The following USH2A variants were observed in gnomAD, a reference collection of about 807,000 sequenced individuals.
USH2A encodes the protein usherin.
A neutral mutation model predicts 538.9 loss-of-function variants in USH2A; 443 were observed. The observed-to-expected ratio is 0.82, with a 90% CI of 0.76 to 0.89. USH2A has a LOEUF of 0.89. Among genes scored for constraint, USH2A ranks in the 40% least tolerant of loss-of-function variants. USH2A has a pLI of 0.00. For synonymous variants in USH2A, 2,413 were observed against 2,273.5 expected, an observed-to-expected ratio of 1.06 and a Z score of -1.75; for missense variants, 6,633 against 6,324.8, an observed-to-expected ratio of 1.05 and a Z score of -1.65.
At chr1:215,667,742 A>G (rs959651665) in intron 64 of USH2A, among the ~76,000 whole-genome samples, 14 of 152,134 alleles carry the variant, frequency 9.2e-5, no homozygotes, top group Non-Finnish European at 2.9e-5. Flanking sequence ...AGGAAAAAAA[A>G]AAGAAGAAAG....
At chr1:216,364,822 T>A in intron 4 of USH2A, 131 bp downstream of exon 4, 1 of 1,202,652 alleles carries the variant, frequency 8.3e-7, no homozygotes, top group East Asian at 2.5e-5. Context: ...TGCCATCCAG[T>A]TGGTGGTAAT....
chr1:216,109,961 C>G (rs1301400797), intron 21 of USH2A, among the ~76,000 whole-genome samples: 1 of 151,980 alleles, frequency 6.6e-6, no homozygotes, highest in African/African-American at 2.4e-5. Flanking sequence ...AATTCTGAAT[C>G]TTTCTTAAAG....
chr1:215,933,848 T>G (rs1666425665), intron 38 of USH2A, among the ~76,000 whole-genome samples: 2 of 151,920 alleles, frequency 1.3e-5, no homozygotes, highest in African/African-American at 4.8e-5. Flanking sequence ...AGCACTCAAT[T>G]GAGAGTCATG....
chr1:215,768,768 G>A (rs138849169), intron 55 of USH2A, among the ~76,000 whole-genome samples: 8 of 152,132 alleles, frequency 5.3e-5, no homozygotes, highest in African/African-American at 1.7e-4. Context: ...TCTCTTTACC[G>A]ACAAAAAGGG....
At chr1:216,107,281 T>C (rs2032756910) in intron 21 of USH2A, among the ~76,000 whole-genome samples, 1 of 151,848 alleles carries the variant, frequency 6.6e-6, no homozygotes, top group Non-Finnish European at 1.5e-5. Flanking sequence ...CTTTGGTTTG[T>C]AAACTTCTGC....
intron 3 of USH2A, among the ~76,000 whole-genome samples, chr1:216,392,251 C>A (rs896756162): frequency 6.6e-6 from 1 of 152,090 alleles, no homozygotes; most frequent in Non-Finnish European, 1.5e-5. Flanking sequence ...GTAATCCCAG[C>A]ACTTTGGGAA....
At chr1:216,396,894 A>G (rs2102754760) in intron 3 of USH2A, among the ~76,000 whole-genome samples, 1 of 152,352 alleles carries the variant, frequency 6.6e-6, no homozygotes, top group African/African-American at 2.4e-5. Flanking sequence ...CGCCAGCTCC[A>G]TCCAATGTTT....
intron 32 of USH2A, among the ~76,000 whole-genome samples, chr1:216,032,204 A>G (rs1291419314): frequency 6.6e-6 from 1 of 151,774 alleles, no homozygotes; most frequent in Non-Finnish European, 1.5e-5. Context: ...TTTTTTTTGC[A>G]TGCAGAGGAT....
At position 216,327,770 on chromosome 1, in the gene USH2A, C is replaced by T. The variant is rs2037765180; in HGVS notation, c.785-116G>A. ...TAAGGTTAAAAAGATATTTATGTCA[C>T]TGCCCTTTGAAACTTTTACAGATCA... On this transcript the variant is annotated intron_variant, in intron 4 of 71. Coordinates refer to ENST00000307340, the MANE Select transcript of USH2A (RefSeq NM_206933.4). The T allele has an allele frequency of 1.1e-5, 14 of 1,278,584 alleles. No individual in the cohort carries two copies. The South Asian group carries it at 1.1e-4, about 10-fold the overall frequency. The allele number at this position is 1,278,584 out of a possible 1,614,324, so 79.2% of individuals were successfully genotyped here.
At chr1:215,815,265 T>G (rs1417871890) in intron 48 of USH2A, among the ~76,000 whole-genome samples, 1 of 152,128 alleles carries the variant, frequency 6.6e-6, no homozygotes, top group African/African-American at 2.4e-5. Flanking sequence ...GGTATGACAT[T>G]TGCATTATAA....
At chr1:216,366,728 G>A (rs1232945480) in intron 3 of USH2A, among the ~76,000 whole-genome samples, 2 of 151,932 alleles carry the variant, frequency 1.3e-5, no homozygotes, top group Non-Finnish European at 2.9e-5. Flanking sequence ...TTTAAACTAT[G>A]TTCTTTCTTA....
At chr1:215,878,619 A>G in intron 42 of USH2A, 145 bp downstream of exon 42, 1 of 776,864 alleles carries the variant, frequency 1.3e-6, no homozygotes. Context: ...GTACAGTATG[A>G]TAGTGTATGA....
chr1:216,197,612 G>A (rs1376255326), intron 18 of USH2A, among the ~76,000 whole-genome samples: 1 of 152,118 alleles, frequency 6.6e-6, no homozygotes. Flanking sequence ...AACAGGTCAA[G>A]TTTAGATCAG....
At chr1:215,678,793 G>C (rs1571952387) in intron 62 of USH2A, among the ~76,000 whole-genome samples, 1 of 152,050 alleles carries the variant, frequency 6.6e-6, no homozygotes, top group Non-Finnish European at 1.5e-5. Context: ...GTTCACTCTT[G>C]AATAAGTATA....
chr1:216,257,795 C>A (rs910961986), intron 11 of USH2A, among the ~76,000 whole-genome samples: 6 of 151,906 alleles, frequency 3.9e-5, no homozygotes, highest in Admixed American at 3.3e-4. Context: ...ACTTCAAGTT[C>A]ACTAATTTTT....
chr1:216,030,228 T>A (rs1669075492), intron 32 of USH2A, among the ~76,000 whole-genome samples: 1 of 139,774 alleles, frequency 7.2e-6, no homozygotes, highest in Admixed American at 7.6e-5. Flanking sequence ...ATATATGATA[T>A]ATAGATATAC....
intron 37 of USH2A, among the ~76,000 whole-genome samples, chr1:215,958,672 GA>G (rs1316919806): frequency 1.3e-5 from 2 of 152,004 alleles, no homozygotes; most frequent in African/African-American, 4.8e-5. Context: ...ACTCCTTCCA[GA>G]TGTTACCACT....
At chr1:215,954,822 CCTGT>C (rs148130298) in intron 37 of USH2A, among the ~76,000 whole-genome samples, 4,873 of 152,188 alleles carry the variant, frequency 0.032, 119 homozygotes, top group South Asian at 0.084. Flanking sequence ...TGAAGTAGCT[CCTGT>C]CTAACTTTCT....
chr1:215,650,692 G>A lies in USH2A; in HGVS notation c.14243C>T (p.Ser4748Phe), dbSNP rs527236126. The A allele has an allele frequency of 5.0e-6, 8 of 1,614,044 alleles. No individual in the cohort carries two copies. The East Asian group carries it at 1.8e-4, about 36-fold the overall frequency. ...ACTGATGTTGACCACTGCTTGGGTA[G>A]AAGAGATCACATGGAACGTGGGGGC... is the stretch of plus-strand genomic sequence containing the variant. ...LRAPTFHVIS[S>F]TQAVVNISAP... The change falls in exon 65 of 72, where the codon TCT becomes TTT. Residue 4748 changes from serine to phenylalanine, a missense_variant. By Grantham distance (155) the Ser-to-Phe change is radical. Coordinates refer to ENST00000307340, the MANE Select transcript of USH2A (RefSeq NM_206933.4).
Sources: gnomAD v4.1 joint callset for allele counts (sites outside exome capture counted in the v4.1 genomes callset) on GRCh38, gnomAD v4.1.1 for gene constraint, MANE v1.5 for transcripts, NCBI Gene and HGNC (gene_info 2026-07-23, HGNC 2026-07-21) for gene names.